Variants in RALGPS1 observed in about 807,000 individuals in gnomAD.
The protein encoded by RALGPS1 is Ral GEF with PH domain and SH3 binding motif 1.
In RALGPS1, 19 loss-of-function variants were observed where a neutral mutation model predicts 78.8. That is an observed-to-expected ratio of 0.24 (90% CI 0.17 to 0.35). The LOEUF (loss-of-function observed/expected upper bound fraction) is 0.35. Among genes scored for constraint, RALGPS1 ranks in the 10% least tolerant of loss-of-function variants. The pLI is 1.00. For missense variants in RALGPS1, 454 were observed against 688.3 expected (o/e 0.66, Z 3.81); for synonymous variants, 228 against 256.3 (o/e 0.89, Z 1.06).
chr9:127,212,384 A>G lies in RALGPS1; in HGVS notation c.1353+148A>G. The stretch of plus-strand genomic sequence containing the variant: ...AGCGAGCTGAACTCTCAGGAATTAT[A>G]CCTGACACTGCCGTAAAATGAACAA... On this transcript the variant is annotated intron_variant, in intron 15 of 18. Transcript: ENST00000259351. This position sits in a 1 kb window ranked among gnomAD's most constrained non-coding sequence, Gnocchi z 6.0. The G allele has an allele frequency of 1.5e-6, 1 of 677,466 alleles. No homozygotes were observed. The allele number at this position is 677,466 out of a possible 1,614,324, so 42.0% of individuals were successfully genotyped here. A position where few individuals can be genotyped will look rare whatever the true frequency, so the allele number is the denominator to read the frequency against.
At chr9:126,983,364 C>T (rs1390313244) in intron 4 of RALGPS1, among the ~76,000 whole-genome samples, 2 of 152,062 alleles carry the variant, frequency 1.3e-5, no homozygotes, top group Non-Finnish European at 2.9e-5. Flanking sequence ...CAACAATTGC[C>T]ATCTTTGCTT....
At position 127,218,020 on chromosome 9, in the gene RALGPS1, AT is replaced by A. The variant is rs1380389817; in HGVS notation, c.1645-713del. On this transcript the variant is annotated intron_variant, in intron 18 of 18. Transcript: ENST00000259351. This position sits in a 1 kb window ranked among gnomAD's most constrained non-coding sequence, Gnocchi z 4.4. ...ACTGTCTCCTGGTACATGGAGATGC[AT>A]TTTTTTCCTAATTCATAGTTTGACC... Among the ~76,000 whole-genome samples, 1 of 152,024 alleles carries A rather than the reference AT, an allele frequency of 6.6e-6. No homozygotes were observed. The highest frequency in any genetic ancestry group is 1.9e-4 in the East Asian group (1 of 5,188).
rs1302558654 is a variant in RALGPS1, at chr9:127,122,592, G to A, written c.611-43477G>A. The A allele has an allele frequency of 6.5e-6, 1 of 153,026 alleles. No individual in the cohort carries two copies. Among genetic ancestry groups the A allele is most frequent in the African/African-American group, 2.4e-5 (1 of 41,454 alleles). The allele number at this position is 153,026 out of a possible 1,614,324, so 9.5% of individuals were successfully genotyped here. A position where few individuals can be genotyped will look rare whatever the true frequency, so the allele number is the denominator to read the frequency against. ...CTCAGTGCCACGCTCGGCAGGTCCA[G>A]GGCTTGGGGTCCATCCTCAGGCCGT... On this transcript the variant is annotated intron_variant, in intron 8 of 18. Coordinates refer to ENST00000259351, the MANE Select transcript of RALGPS1 (RefSeq NM_014636.3). This position sits in a 1 kb window ranked among gnomAD's most constrained non-coding sequence, Gnocchi z 6.4.
chr9:127,196,622 C>A lies in RALGPS1; in HGVS notation c.1186C>A (p.Leu396Ile), dbSNP rs1382198340. Residue 396 changes from leucine to isoleucine, a missense_variant, in exon 13 of 19, where the codon CTC becomes ATC. Transcript: ENST00000259351. ...LTSSSAVTNG[L>I]SLGSSESSEF... Reference sequence around the variant, plus strand: ...CTCCTCCTCTGCTGTCACCAATGGACTCTCCCTAGGTAAGCGTCTCCGGCC... The same window carrying A: ...CTCCTCCTCTGCTGTCACCAATGGAATCTCCCTAGGTAAGCGTCTCCGGCC... 6.2e-7 allele frequency: 1 copy of A among 1,603,816 alleles called. No homozygotes were observed. The highest frequency in any genetic ancestry group is 1.7e-5 in the Admixed American group (1 of 58,264).
At chr9:127,006,884 T>G (rs904062310) in intron 4 of RALGPS1, among the ~76,000 whole-genome samples, 3 of 147,536 alleles carry the variant, frequency 2.0e-5, no homozygotes, top group African/African-American at 7.3e-5. Context: ...TTGGATTTCT[T>G]TTGATTCTTT....
At chr9:127,013,063 T>C (rs2044498886) in intron 4 of RALGPS1, among the ~76,000 whole-genome samples, 1 of 152,184 alleles carries the variant, frequency 6.6e-6, no homozygotes, top group African/African-American at 2.4e-5. Context: ...GCTTCCGTTG[T>C]GGCCTGGAGA....
At chr9:127,188,294 C>G (rs1008846395) in intron 11 of RALGPS1, among the ~76,000 whole-genome samples, 66 of 151,990 alleles carry the variant, frequency 4.3e-4, no homozygotes, top group Non-Finnish European at 8.8e-5. Context: ...AAACTCCTGA[C>G]CTCGTGATCC....
At chr9:126,957,841 T>G (rs1440857058) in intron 1 of RALGPS1, among the ~76,000 whole-genome samples, 5 of 151,932 alleles carry the variant, frequency 3.3e-5, no homozygotes, top group African/African-American at 1.2e-4. Flanking sequence ...TTTTGCTTAT[T>G]AATAGTATCC....
chr9:127,007,100 T>C (rs1281834726), intron 4 of RALGPS1, among the ~76,000 whole-genome samples: 1 of 152,230 alleles, frequency 6.6e-6, no homozygotes, highest in Non-Finnish European at 1.5e-5. Flanking sequence ...TACCAGAGGC[T>C]TCTGAGACCC....
intron 8 of RALGPS1, among the ~76,000 whole-genome samples, chr9:127,097,387 T>C (rs1282950824): frequency 1.3e-5 from 2 of 152,260 alleles, no homozygotes; most frequent in Non-Finnish European, 2.9e-5. Context: ...TGCATATGTG[T>C]CTGTACACGG....
At chr9:126,934,527 G>A (rs2131250503) in intron 1 of RALGPS1, among the ~76,000 whole-genome samples, 1 of 152,302 alleles carries the variant, frequency 6.6e-6, no homozygotes, top group South Asian at 2.1e-4. Context: ...AGCGGAGCCC[G>A]ATGGGACTGA....
At chr9:127,034,017 A>G (rs1375812041) in intron 4 of RALGPS1, among the ~76,000 whole-genome samples, 1 of 152,218 alleles carries the variant, frequency 6.6e-6, no homozygotes, top group Non-Finnish European at 1.5e-5. Context: ...GGATGATGTC[A>G]TGTGGCCAGT....
In RALGPS1 at chr9:127,088,772, C is replaced by A. The variant is rs746814997; in HGVS notation, c.610+19416C>A. 9.5e-6 allele frequency: 7 copies of A among 740,676 alleles called. No homozygotes were observed. In the East Asian group the frequency reaches 1.9e-4, roughly 20 times the overall value. 45.9% of individuals were successfully genotyped at this position (740,676 alleles called of 1,614,324 possible). On this transcript the variant is annotated intron_variant, in intron 8 of 18. Transcript: ENST00000259351. ...GTAGGAGGGACAGAAAACACCGTAT[C>A]GATTCAGTTCCATCATCCGCTGCAG...
chr9:126,963,115 A>T (rs952101766), intron 2 of RALGPS1, among the ~76,000 whole-genome samples: 1 of 152,190 alleles, frequency 6.6e-6, no homozygotes, highest in African/African-American at 2.4e-5. Context: ...CTGCAGCAGA[A>T]TTGTCATTAC....
rs1564788151 is a variant in RALGPS1, at chr9:127,203,184, G to A, written c.1247+4118G>A. ...GTGGATTGTAGCGGCGATCATGTAT[G>A]TATATATGAAAATAGAGTCTCACTC... On this transcript the variant is annotated intron_variant, in intron 14 of 18. Transcript: ENST00000259351. Among the ~76,000 whole-genome samples, 3 of 152,318 alleles carry A rather than the reference G, an allele frequency of 2.0e-5. No individual in the cohort carries two copies. The South Asian group carries it at 6.2e-4, about 32-fold the overall frequency.
chr9:127,198,142 CTG>C (rs1169461144), intron 13 of RALGPS1, among the ~76,000 whole-genome samples: 3 of 152,182 alleles, frequency 2.0e-5, no homozygotes, highest in African/African-American at 4.8e-5. Flanking sequence ...GGAATTGAAA[CTG>C]TTTTTCTGTT....
chr9:127,053,614 C>T (rs190221731), intron 7 of RALGPS1, among the ~76,000 whole-genome samples: 119 of 152,286 alleles, frequency 7.8e-4, no homozygotes, highest in African/African-American at 2.7e-3. Flanking sequence ...AGCCACACAG[C>T]GCAAGCCTTT....
rs774278310 is a variant in RALGPS1 at position 127,167,968 on chromosome 9, A to G, written c.749-711A>G. On this transcript the variant is annotated intron_variant, in intron 9 of 18. Coordinates refer to ENST00000259351, the MANE Select transcript of RALGPS1 (RefSeq NM_014636.3). ...GTGGCAGAAGCCTTCCATCACCTGA[A>G]GTCCCAACCCAGCTCTGCCCTTCTC... is the stretch of plus-strand genomic sequence containing the variant. Among the ~76,000 whole-genome samples the G allele has an allele frequency of 3.3e-4, 50 of 152,230 alleles. 1 individual carries two copies. Among genetic ancestry groups the G allele is most frequent in the Admixed American group, 3.0e-3 (46 of 15,284 alleles).
intron 1 of RALGPS1, among the ~76,000 whole-genome samples, chr9:126,932,422 T>TA (rs1236668699): frequency 6.6e-6 from 1 of 152,196 alleles, no homozygotes; most frequent in Non-Finnish European, 1.5e-5. Flanking sequence ...AAGAAATACA[T>TA]ATGGATGTGT....
Sources: allele counts gnomAD v4.1 joint callset (sites outside exome capture counted in the v4.1 genomes callset), GRCh38; gene constraint gnomAD v4.1.1; non-coding constraint Gnocchi (gnomAD v3.1); transcripts MANE v1.5; gene names NCBI Gene and HGNC (gene_info 2026-07-23, HGNC 2026-07-21).